Variants in CELF2 observed in about 807,000 individuals in gnomAD.
CELF2 encodes CUG triplet repeat RNA-binding protein 2.
CELF2 carries 8 observed loss-of-function variants against 62.6 expected under a neutral mutation model. The ratio of observed to expected loss-of-function variants is 0.13; its 90% CI spans 0.07 to 0.23. CELF2 has a LOEUF of 0.23. Ranked by LOEUF, CELF2 falls within the 10% of genes least tolerant of loss-of-function variation. The pLI is 1.00. For synonymous variants in CELF2, 258 were observed against 250.0 expected (o/e 1.03, Z -0.30); for missense variants, 333 against 671.0 (o/e 0.50, Z 5.56).
chr10:11,233,815 A>C (rs2069866504), intron 3 of CELF2, among the ~76,000 whole-genome samples: 1 of 152,212 alleles, frequency 6.6e-6, no homozygotes, highest in African/African-American at 2.4e-5. Flanking sequence ...CATTAGGGGT[A>C]ATAAAGGCAC....
intron 8 of CELF2, among the ~76,000 whole-genome samples, chr10:11,276,325 T>G (rs2086114203): frequency 6.6e-6 from 1 of 152,194 alleles, no homozygotes; most frequent in Admixed American, 6.5e-5. Flanking sequence ...GGGCTTTAAA[T>G]CCATTGGCAC....
At chr10:11,189,965 C>T (rs901652788) in intron 2 of CELF2, among the ~76,000 whole-genome samples, 1 of 152,190 alleles carries the variant, frequency 6.6e-6, no homozygotes. Context: ...ACTGGAATTT[C>T]TGTACTTCCA....
chr10:11,150,259 G>A (rs188594443), intron 1 of CELF2, among the ~76,000 whole-genome samples: 17 of 151,946 alleles, frequency 1.1e-4, no homozygotes, highest in African/African-American at 3.2e-4. Context: ...CAGGTATCAC[G>A]CTTTTTGTGG....
At chr10:10,843,378 C>A (rs1472106308) in intron 1 of CELF2, among the ~76,000 whole-genome samples, 2 of 151,860 alleles carry the variant, frequency 1.3e-5, no homozygotes, top group Admixed American at 6.6e-5. Flanking sequence ...ATTTCATAAC[C>A]TAGAATCAGA....
At chr10:11,140,282 C>T (rs1030956129) in intron 1 of CELF2, among the ~76,000 whole-genome samples, 1 of 152,146 alleles carries the variant, frequency 6.6e-6, no homozygotes, top group African/African-American at 2.4e-5. Context: ...CAATCTGTCG[C>T]CCATGTTCGG....
chr10:10,954,094 T>C (rs979727544), intron 2 of CELF2, among the ~76,000 whole-genome samples: 2 of 151,706 alleles, frequency 1.3e-5, no homozygotes, highest in East Asian at 1.9e-4. Flanking sequence ...TTGGCAAAAG[T>C]CAGAAAATTT....
At chr10:10,924,409 A>G (rs1389388319) in intron 2 of CELF2, among the ~76,000 whole-genome samples, 1 of 152,050 alleles carries the variant, frequency 6.6e-6, no homozygotes, top group Non-Finnish European at 1.5e-5. Context: ...CCTTGTTAAC[A>G]GAGTCCACTG....
intron 1 of CELF2, among the ~76,000 whole-genome samples, chr10:10,826,064 C>G (rs1334054150): frequency 6.6e-6 from 1 of 152,096 alleles, no homozygotes; most frequent in African/African-American, 2.4e-5. Flanking sequence ...TAGAGCCAAA[C>G]AAATGCCAGA....
chr10:10,999,039 A>G (rs1157777463), intron 2 of CELF2, among the ~76,000 whole-genome samples: 3 of 152,224 alleles, frequency 2.0e-5, no homozygotes, highest in Non-Finnish European at 4.4e-5. Flanking sequence ...AATTATGAAA[A>G]CATCAAGTTT....
At chr10:10,620,313 G>T in the CELF2 span, among the ~76,000 whole-genome samples, 10 of 151,706 alleles carry the variant, frequency 6.6e-5, no homozygotes, top group African/African-American at 2.4e-4. Flanking sequence ...TAGAGGGATG[G>T]CCACCTCAAT....
rs1055586629 is a variant in CELF2 at position 11,005,704 on chromosome 10, A to G, written c.53+264A>G. 2.0e-5 allele frequency among the ~76,000 whole-genome samples: 3 copies of G among 152,272 alleles called. No homozygotes were observed. Among genetic ancestry groups the G allele is most frequent in the East Asian group, 1.9e-4 (1 of 5,186 alleles). On this transcript the variant is annotated intron_variant, in intron 1 of 12. Coordinates refer to the CELF2 transcript ENST00000416382. The surrounding 1 kb of genome is among the most constrained non-coding windows in gnomAD (Gnocchi z 4.3). Reference sequence around the variant, plus strand: ...GCATATCATGTATTTGCTCACTGCTATTTGTGAGTGGCCAGTGGATAATTT... The same window carrying G: ...GCATATCATGTATTTGCTCACTGCTGTTTGTGAGTGGCCAGTGGATAATTT...
chr10:10,551,497 C>T, the CELF2 span, among the ~76,000 whole-genome samples: 10 of 152,166 alleles, frequency 6.6e-5, no homozygotes, highest in East Asian at 1.9e-3. Flanking sequence ...GCTGGACCCC[C>T]TCCCCCCCAG....
Position 11,195,677 on chromosome 10 carries a change from G to A in CELF2, c.272-21748G>A, listed in dbSNP as rs555345670. On this transcript the variant is annotated intron_variant, in intron 2 of 12. Coordinates refer to ENST00000633077, the MANE Select transcript of CELF2 (RefSeq NM_001326342.2). The stretch of plus-strand genomic sequence containing the variant: ...TTGGCAGACCTTGACGTCACAAACC[G>A]TACGCTTGCTGGAGAAGGGAAAAGG... Among the ~76,000 whole-genome samples the A allele has an allele frequency of 2.6e-5, 4 of 152,324 alleles. No homozygotes were observed. The South Asian group carries it at 6.2e-4, about 24-fold the overall frequency.
At chr10:11,040,125 G>A (rs1408478344) in intron 1 of CELF2, among the ~76,000 whole-genome samples, 1 of 152,188 alleles carries the variant, frequency 6.6e-6, no homozygotes, top group Non-Finnish European at 1.5e-5. Flanking sequence ...GGGAAGGTAG[G>A]ACAGGAGGAA....
chr10:10,551,503 C>G, the CELF2 span, among the ~76,000 whole-genome samples: 49 of 152,234 alleles, frequency 3.2e-4, no homozygotes, highest in East Asian at 6.8e-3. Flanking sequence ...CCCCCTCCCC[C>G]CCAGTCTCCA....
chr10:10,966,346 A>C (rs2136085894), intron 2 of CELF2, among the ~76,000 whole-genome samples: 1 of 152,310 alleles, frequency 6.6e-6, no homozygotes, highest in East Asian at 1.9e-4. Context: ...GGAGCTGAAG[A>C]GCTCGGGGAT....
chr10:10,649,876 G>A, the CELF2 span, among the ~76,000 whole-genome samples: 2 of 152,176 alleles, frequency 1.3e-5, no homozygotes, highest in African/African-American at 4.8e-5. Flanking sequence ...CCCCTGGAGT[G>A]CAGCTGTTCC....
the CELF2 span, among the ~76,000 whole-genome samples, chr10:10,557,816 C>T: frequency 8.2e-4 from 116 of 141,920 alleles, 2 homozygotes; most frequent in Non-Finnish European, 7.6e-4. Flanking sequence ...GGAGTTCGCT[C>T]ATGATTTGGC....
chr10:10,804,739 C>T (rs1161743195), intron 1 of CELF2, among the ~76,000 whole-genome samples: 4 of 152,224 alleles, frequency 2.6e-5, no homozygotes, highest in African/African-American at 9.6e-5. Flanking sequence ...AAACATAGAA[C>T]AGACCCCGAA....
Sources: allele counts gnomAD v4.1 joint callset (sites outside exome capture counted in the v4.1 genomes callset), GRCh38; gene constraint gnomAD v4.1.1; non-coding constraint Gnocchi (gnomAD v3.1); transcripts MANE v1.5; gene names NCBI Gene and HGNC (gene_info 2026-07-23, HGNC 2026-07-21).